Variants in PARD3B observed in about 807,000 individuals in gnomAD.
The protein encoded by PARD3B is par-3 family cell polarity regulator beta, also known as partitioning defective 3 homolog B.
A neutral mutation model predicts 130.2 loss-of-function variants in PARD3B; 103 were observed. That is an observed-to-expected ratio of 0.79 (90% CI 0.67 to 0.93). PARD3B has a LOEUF of 0.93. PARD3B is among the 40% of genes least tolerant of loss of function. The pLI is 0.00. For missense variants in PARD3B, 1,609 were observed against 1,499.2 expected (o/e 1.07, Z -1.21); for synonymous variants, 583 against 553.2 (o/e 1.05, Z -0.76).
intron 2 of PARD3B, among the ~76,000 whole-genome samples, chr2:204,879,654 T>A (rs1334878759): frequency 1.3e-5 from 2 of 152,196 alleles, no homozygotes; most frequent in African/African-American, 4.8e-5. Context: ...AGTGCAAGAT[T>A]CTGAAATAAC....
intron 2 of PARD3B, among the ~76,000 whole-genome samples, chr2:204,836,736 AAGTG>A (rs1461691875): frequency 1.3e-5 from 2 of 152,170 alleles, no homozygotes; most frequent in Admixed American, 6.5e-5. Flanking sequence ...AGGTGTGGAT[AAGTG>A]AGTATGTATG....
At chr2:205,079,556 C>A (rs938448257) in intron 4 of PARD3B, among the ~76,000 whole-genome samples, 2 of 152,204 alleles carry the variant, frequency 1.3e-5, no homozygotes, top group Non-Finnish European at 2.9e-5. Context: ...TTCATGAGGG[C>A]AGATCACTCA....
intron 1 of PARD3B, among the ~76,000 whole-genome samples, chr2:204,566,599 A>G (rs994272740): frequency 5.9e-5 from 9 of 152,170 alleles, no homozygotes; most frequent in Non-Finnish European, 1.2e-4. Flanking sequence ...ATCCTTAGTG[A>G]TTATTTTCAA....
intron 10 of PARD3B, among the ~76,000 whole-genome samples, chr2:205,152,849 G>T (rs1342311049): frequency 1.3e-5 from 2 of 152,256 alleles, no homozygotes; most frequent in East Asian, 3.9e-4. Flanking sequence ...CTGGTTTTTA[G>T]AATTTTCAGC....
intron 2 of PARD3B, among the ~76,000 whole-genome samples, chr2:204,711,662 C>G (rs1378760348): frequency 6.6e-6 from 1 of 152,058 alleles, no homozygotes; most frequent in Admixed American, 6.5e-5. Flanking sequence ...TCTCCTGCCT[C>G]AGCCTCCTGA....
chr2:204,736,657 C>A (rs989721868), intron 2 of PARD3B, among the ~76,000 whole-genome samples: 1 of 152,166 alleles, frequency 6.6e-6, no homozygotes, highest in Non-Finnish European at 1.5e-5. Flanking sequence ...ATATGTACCA[C>A]ATTTTCTTTA....
Position 205,121,618 on chromosome 2 carries a change from G to GAAATCTCC in PARD3B, c.837_844dup (p.Ser282AsnfsTer36), listed in dbSNP as rs2030730384. On this transcript the variant is annotated frameshift_variant, in exon 8 of 23. Transcript: ENST00000406610. LOFTEE classifies it high-confidence loss of function. The surrounding 1 kb of genome is among the most constrained non-coding windows in gnomAD (Gnocchi z 5.0). Reference sequence around the variant, plus strand: ...CTCAAGATGTCTTCCGCCAGGCAATGAAATCTCCAAGTGTGCTCCTCCACG... The same window carrying GAAATCTCC: ...CTCAAGATGTCTTCCGCCAGGCAATGAAATCTCCAAATCTCCAAGTGTGCTCCTCCACG... 1 of 1,613,090 alleles carries GAAATCTCC rather than the reference G, an allele frequency of 6.2e-7. No individual in the cohort carries two copies. The highest frequency in any genetic ancestry group is 1.7e-5 in the Admixed American group (1 of 59,994).
chr2:205,099,573 C>T (rs1702610927), intron 4 of PARD3B, among the ~76,000 whole-genome samples: 1 of 152,082 alleles, frequency 6.6e-6, no homozygotes, highest in African/African-American at 2.4e-5. Flanking sequence ...TATCATTTGT[C>T]AGTTATTTTG....
At chr2:205,416,676 A>T (rs2046786639) in intron 19 of PARD3B, among the ~76,000 whole-genome samples, 1 of 152,192 alleles carries the variant, frequency 6.6e-6, no homozygotes, top group Non-Finnish European at 1.5e-5. Context: ...GGCTGATATC[A>T]TATAAACTAT....
At chr2:204,551,470 T>C (rs994618161) in intron 1 of PARD3B, among the ~76,000 whole-genome samples, 2 of 152,216 alleles carry the variant, frequency 1.3e-5, no homozygotes, top group African/African-American at 4.8e-5. Flanking sequence ...TTCTCACTTA[T>C]GGCCTTAATT....
intron 2 of PARD3B, among the ~76,000 whole-genome samples, chr2:204,888,730 C>CA (rs11315348): frequency 0.23 from 18,898 of 81,082 alleles, 3,117 homozygotes; most frequent in African/African-American, 0.47. Context: ...GACCCTGTCT[C>CA]AAAAAAAAAA....
chr2:204,649,969 A>C (rs796384420), intron 1 of PARD3B, among the ~76,000 whole-genome samples: 4 of 152,178 alleles, frequency 2.6e-5, no homozygotes, highest in African/African-American at 9.7e-5. Flanking sequence ...TCAACAGAGT[A>C]AACAGATAAC....
chr2:204,842,790 G>A (rs897900531), intron 2 of PARD3B, among the ~76,000 whole-genome samples: 19 of 152,270 alleles, frequency 1.2e-4, no homozygotes, highest in Non-Finnish European at 2.5e-4. Context: ...GGCCTGCGCT[G>A]TGGGCTGCTT....
chr2:204,747,690 A>C (rs527578724), intron 2 of PARD3B, among the ~76,000 whole-genome samples: 1 of 152,304 alleles, frequency 6.6e-6, no homozygotes, highest in South Asian at 2.1e-4. Context: ...CTACAAGGCT[A>C]CAGTAACCAA....
chr2:205,104,756 T>C (rs1703081782), intron 5 of PARD3B, among the ~76,000 whole-genome samples: 1 of 152,132 alleles, frequency 6.6e-6, no homozygotes, highest in South Asian at 2.1e-4. Flanking sequence ...GTACCCAGGA[T>C]TTCTGAAATA....
intron 19 of PARD3B, among the ~76,000 whole-genome samples, chr2:205,417,092 C>T (rs1299953873): frequency 2.5e-5 from 3 of 121,542 alleles, no homozygotes; most frequent in Non-Finnish European, 4.9e-5. Flanking sequence ...CCCCCACCCC[C>T]CGGCAGGCCC....
At chr2:205,261,247 A>T (rs1211986855) in intron 16 of PARD3B, among the ~76,000 whole-genome samples, 1 of 152,066 alleles carries the variant, frequency 6.6e-6, no homozygotes, top group Non-Finnish European at 1.5e-5. Flanking sequence ...ATTGTTTGTT[A>T]AATGAATGAA....
In PARD3B at chr2:204,664,990, A is replaced by G. The variant is rs988609089; in HGVS notation, c.121-21191A>G. Reference sequence around the variant, plus strand: ...CAGTTTTAGCAAATCCGTTGCTCTCATGAAGACTGTAGAGAAAATGTTTGT... The same window carrying G: ...CAGTTTTAGCAAATCCGTTGCTCTCGTGAAGACTGTAGAGAAAATGTTTGT... On this transcript the variant is annotated intron_variant, in intron 1 of 22. Transcript: ENST00000406610. This position sits in a 1 kb window ranked among gnomAD's most constrained non-coding sequence, Gnocchi z 5.2. Among the ~76,000 whole-genome samples the G allele has an allele frequency of 7.9e-5, 12 of 152,296 alleles. No individual in the cohort carries two copies. Among genetic ancestry groups the G allele is most frequent in the East Asian group, 7.7e-4 (4 of 5,178 alleles).
intron 15 of PARD3B, among the ~76,000 whole-genome samples, chr2:205,209,930 A>G (rs1349647883): frequency 2.0e-5 from 3 of 152,148 alleles, no homozygotes; most frequent in Non-Finnish European, 4.4e-5. Context: ...AACGCAAAGG[A>G]TAAATGTTTA....
Sources: allele counts gnomAD v4.1 joint callset (sites outside exome capture counted in the v4.1 genomes callset), GRCh38; gene constraint gnomAD v4.1.1; non-coding constraint Gnocchi (gnomAD v3.1); transcripts MANE v1.5; gene names NCBI Gene and HGNC (gene_info 2026-07-23, HGNC 2026-07-21).